CTNNA2: variants seen among roughly 807,000 people sequenced by gnomAD.
CTNNA2 encodes catenin alpha-2.
A neutral mutation model predicts 101.0 loss-of-function variants in CTNNA2; 42 were observed. The ratio of observed to expected loss-of-function variants is 0.42; its 90% CI spans 0.32 to 0.54. The LOEUF (loss-of-function observed/expected upper bound fraction) is 0.54, where lower values mean the gene tolerates loss of function less well. Ranked by LOEUF, CTNNA2 falls within the 20% of genes least tolerant of loss-of-function variation. CTNNA2 has a pLI of 0.14. For missense variants in CTNNA2, 871 were observed against 1,223.1 expected (o/e 0.71, Z 4.29); for synonymous variants, 450 against 456.4 (o/e 0.99, Z 0.18).
In CTNNA2 at chr2:80,252,498, T is replaced by C. The variant is rs566911715; in HGVS notation, c.1057-140713T>C. ...GTTGTCCTGCCTTTTATAGATGCAG[T>C]AAATTTGATCACCATCAAGGGCTGT... is the stretch of plus-strand genomic sequence containing the variant. On this transcript the variant is annotated intron_variant, in intron 7 of 18. Coordinates refer to ENST00000402739, the MANE Select transcript of CTNNA2 (RefSeq NM_001282597.3). 9.2e-4 allele frequency among the ~76,000 whole-genome samples: 140 copies of C among 152,274 alleles called. 1 individual carries two copies. Among genetic ancestry groups the C allele is most frequent in the African/African-American group, 3.0e-3 (126 of 41,566 alleles).
intron 2 of CTNNA2, among the ~76,000 whole-genome samples, chr2:79,203,253 A>G (rs1572976897): frequency 6.6e-6 from 1 of 151,956 alleles, no homozygotes; most frequent in African/African-American, 2.4e-5. Context: ...TTTAAATCTC[A>G]CTCCAGTTAT....
At chr2:80,308,376 C>T (rs1017423704) in intron 7 of CTNNA2, among the ~76,000 whole-genome samples, 1 of 152,144 alleles carries the variant, frequency 6.6e-6, no homozygotes. Flanking sequence ...CCAGCCTGGA[C>T]CTTGATCTTT....
chr2:79,765,642 C>A (rs1031014623), intron 3 of CTNNA2, among the ~76,000 whole-genome samples: 1 of 152,126 alleles, frequency 6.6e-6, no homozygotes, highest in Non-Finnish European at 1.5e-5. Context: ...ATCTTCCCTG[C>A]GTTGAAGTTT....
intron 2 of CTNNA2, among the ~76,000 whole-genome samples, chr2:79,730,748 A>C (rs1303749822): frequency 2.0e-5 from 3 of 152,062 alleles, no homozygotes; most frequent in Admixed American, 6.6e-5. Context: ...TGACAAAACC[A>C]TGAAACTCAA....
At chr2:80,149,087 G>A (rs1242918022) in intron 7 of CTNNA2, among the ~76,000 whole-genome samples, 2 of 149,846 alleles carry the variant, frequency 1.3e-5, no homozygotes, top group African/African-American at 4.9e-5. Context: ...GAGTGCAGTG[G>A]CGTGATTTGA....
At chr2:79,226,101 A>C (rs1326928807) in intron 2 of CTNNA2, among the ~76,000 whole-genome samples, 3 of 152,160 alleles carry the variant, frequency 2.0e-5, no homozygotes, top group Admixed American at 1.3e-4. Flanking sequence ...AGCTCTCTAC[A>C]CATGTGGAGC....
At chr2:79,885,940 TTA>T (rs1290982453) in intron 6 of CTNNA2, among the ~76,000 whole-genome samples, 2 of 152,216 alleles carry the variant, frequency 1.3e-5, no homozygotes, top group Non-Finnish European at 2.9e-5. Context: ...GCCTTGGATT[TTA>T]TATCTCTTAG....
At chr2:80,043,608 C>A (rs1037786988) in intron 7 of CTNNA2, among the ~76,000 whole-genome samples, 1 of 152,188 alleles carries the variant, frequency 6.6e-6, no homozygotes, top group African/African-American at 2.4e-5. Context: ...GAGTTGATTT[C>A]TCATATTTCT....
chr2:80,553,395 A>G (rs1217791411), intron 11 of CTNNA2, among the ~76,000 whole-genome samples: 2 of 152,166 alleles, frequency 1.3e-5, no homozygotes, highest in Non-Finnish European at 1.5e-5. Context: ...TATTTTAAAT[A>G]GGTATAATAA....
chr2:80,577,416 C>T (rs1434068216), intron 13 of CTNNA2, among the ~76,000 whole-genome samples: 14 of 151,984 alleles, frequency 9.2e-5, no homozygotes, highest in Admixed American at 5.9e-4. Context: ...ATGTTTCCGG[C>T]GGAGGAAATG....
intron 3 of CTNNA2, among the ~76,000 whole-genome samples, chr2:79,807,260 A>G (rs950757549): frequency 6.6e-6 from 1 of 151,984 alleles, no homozygotes; most frequent in African/African-American, 2.4e-5. Flanking sequence ...TTATCCTCCA[A>G]TGTTCTTATC....
intron 7 of CTNNA2, among the ~76,000 whole-genome samples, chr2:80,001,227 G>A (rs544514569): frequency 3.3e-5 from 5 of 152,152 alleles, no homozygotes; most frequent in Admixed American, 1.3e-4. Flanking sequence ...TTAGTTTTTC[G>A]TGCCCATACA....
At chr2:79,444,644 C>T (rs1678812399) in intron 4 of CTNNA2, among the ~76,000 whole-genome samples, 2 of 152,018 alleles carry the variant, frequency 1.3e-5, no homozygotes, top group Non-Finnish European at 2.9e-5. Context: ...TTTTTTCCTG[C>T]TCTAATTGGC....
chr2:79,454,102 G>A (rs555305019), intron 4 of CTNNA2, among the ~76,000 whole-genome samples: 2 of 152,232 alleles, frequency 1.3e-5, no homozygotes, highest in South Asian at 2.1e-4. Flanking sequence ...AGACATGACC[G>A]AAAGGATTCG....
intron 7 of CTNNA2, among the ~76,000 whole-genome samples, chr2:80,010,464 C>A (rs10197777): frequency 0.19 from 28,417 of 151,872 alleles, 2,855 homozygotes; most frequent in South Asian, 0.32. Context: ...TGCCACCATG[C>A]CTGGATTTTT....
intron 7 of CTNNA2, among the ~76,000 whole-genome samples, chr2:80,320,983 T>G (rs1423072405): frequency 2.0e-5 from 3 of 152,206 alleles, no homozygotes; most frequent in Non-Finnish European, 4.4e-5. Context: ...TCTATTCAGT[T>G]AAGCAAATCA....
chr2:79,532,161 T>G (rs528401871), intron 1 of CTNNA2, among the ~76,000 whole-genome samples: 1 of 152,212 alleles, frequency 6.6e-6, no homozygotes, highest in African/African-American at 2.4e-5. Flanking sequence ...TCTGTTCCAC[T>G]TTTTTTAAAA....
intron 7 of CTNNA2, among the ~76,000 whole-genome samples, chr2:79,971,696 A>G (rs968607389): frequency 6.6e-6 from 1 of 152,216 alleles, no homozygotes; most frequent in Non-Finnish European, 1.5e-5. Context: ...CTTAGTAAAT[A>G]TGTGATACTT....
rs539805855 is a variant in CTNNA2, at chr2:79,541,153, A to G, written c.-6+27946A>G. 2.6e-5 allele frequency among the ~76,000 whole-genome samples: 4 copies of G among 152,062 alleles called. No individual in the cohort carries two copies. The East Asian group carries it at 7.7e-4, about 29-fold the overall frequency. Reference sequence around the variant, plus strand: ...TGTTAACATTTTTAACCTTGAAAGTATATTCATGTGTATAAGTATAAACAT... The same window carrying G: ...TGTTAACATTTTTAACCTTGAAAGTGTATTCATGTGTATAAGTATAAACAT... On this transcript the variant is annotated intron_variant, in intron 1 of 18. Coordinates refer to ENST00000402739, the MANE Select transcript of CTNNA2 (RefSeq NM_001282597.3).
Sources: gnomAD v4.1 joint callset for allele counts (sites outside exome capture counted in the v4.1 genomes callset) on GRCh38, gnomAD v4.1.1 for gene constraint, MANE v1.5 for transcripts, NCBI Gene and HGNC (gene_info 2026-07-23, HGNC 2026-07-21) for gene names.